TTC27: variants seen among roughly 807,000 people sequenced by gnomAD.
The protein encoded by TTC27 is tetratricopeptide repeat protein 27.
In TTC27, 79 loss-of-function variants were observed where a neutral mutation model predicts 115.9. That is an observed-to-expected ratio of 0.68 (90% confidence interval 0.57 to 0.82). The LOEUF (loss-of-function observed/expected upper bound fraction) is 0.82, where lower values mean the gene tolerates loss of function less well. Ranked by LOEUF, TTC27 falls within the 40% of genes least tolerant of loss-of-function variation. The pLI, the probability that TTC27 is intolerant of heterozygous loss-of-function variation, is 0.00. For synonymous variants in TTC27, 401 were observed against 356.0 expected, an observed-to-expected ratio of 1.13 and a Z score of -1.42; for missense variants, 1,054 against 993.1, an observed-to-expected ratio of 1.06 and a Z score of -0.82.
chr2:32,769,010 A>G lies in TTC27; in HGVS notation c.1681-8872A>G, dbSNP rs147706765. ...AGATTGTTGCTAGTCCATTGGAGAT[A>G]AAAGCCCTAGTGAAGCCCAACAGTG... On this transcript the variant is annotated intron_variant, in intron 13 of 19. Coordinates refer to ENST00000317907, the MANE Select transcript of TTC27 (RefSeq NM_017735.5). 8.6e-3 allele frequency among the ~76,000 whole-genome samples: 1,313 copies of G among 152,338 alleles called. 13 individuals carry two copies. The highest frequency in any genetic ancestry group is 0.013 in the Non-Finnish European group (893 of 68,024).
chr2:32,726,628 C>T (rs1477351209), intron 10 of TTC27, among the ~76,000 whole-genome samples: 2 of 152,240 alleles, frequency 1.3e-5, no homozygotes, highest in South Asian at 4.1e-4. Context: ...CCCACATTTT[C>T]CTGTCTTCTT....
chr2:32,702,025 A>C (rs1667203497), intron 9 of TTC27, among the ~76,000 whole-genome samples: 1 of 150,470 alleles, frequency 6.6e-6, no homozygotes, highest in Non-Finnish European at 1.5e-5. Flanking sequence ...AAAAAAAAAA[A>C]CAAAAACAAA....
chr2:32,695,716 C>A (rs1197075158), intron 9 of TTC27, among the ~76,000 whole-genome samples: 1 of 59,142 alleles, frequency 1.7e-5, no homozygotes, highest in East Asian at 5.8e-4. Context: ...AAGGCTCTAT[C>A]TCAAAAAAAA....
At chr2:32,742,538 A>T (rs1350606108) in intron 12 of TTC27, among the ~76,000 whole-genome samples, 1 of 152,218 alleles carries the variant, frequency 6.6e-6, no homozygotes, top group East Asian at 1.9e-4. Flanking sequence ...AGACACCACT[A>T]CACAGAAGTG....
chr2:32,709,387 T>C (rs1667499367), intron 10 of TTC27, among the ~76,000 whole-genome samples: 1 of 152,206 alleles, frequency 6.6e-6, no homozygotes, highest in African/African-American at 2.4e-5. Flanking sequence ...AGGTTCAGTC[T>C]CCCTTATCTG....
intron 12 of TTC27, among the ~76,000 whole-genome samples, chr2:32,755,328 C>T (rs10168401): frequency 0.35 from 53,968 of 152,070 alleles, 10,352 homozygotes; most frequent in Non-Finnish European, 0.42. Context: ...CTTCTGCAAT[C>T]CCGGCACCTC....
At chr2:32,642,894 G>C (rs561961258) in intron 4 of TTC27, among the ~76,000 whole-genome samples, 1 of 152,122 alleles carries the variant, frequency 6.6e-6, no homozygotes, top group South Asian at 2.1e-4. Context: ...TCTTGAACTT[G>C]TGGGCTCAAG....
chr2:32,786,946 G>A, intron 15 of TTC27, 38 bp from the exon 16 acceptor site: 4 of 1,543,908 alleles, frequency 2.6e-6, no homozygotes, highest in South Asian at 1.2e-5. Context: ...TAAAAAAAGA[G>A]TTCATTATTG....
chr2:32,812,042 C>T (rs1272762461), intron 17 of TTC27, among the ~76,000 whole-genome samples: 1 of 152,154 alleles, frequency 6.6e-6, no homozygotes, highest in Non-Finnish European at 1.5e-5. Context: ...GACTTTCTTG[C>T]ATATATGGAA....
intron 8 of TTC27, among the ~76,000 whole-genome samples, chr2:32,674,524 A>G (rs1216864425): frequency 6.6e-6 from 1 of 152,174 alleles, no homozygotes; most frequent in Non-Finnish European, 1.5e-5. Context: ...TCATATATGC[A>G]ATAGTAAGTT....
intron 9 of TTC27, among the ~76,000 whole-genome samples, chr2:32,680,254 T>C (rs1163837728): frequency 6.6e-6 from 1 of 152,202 alleles, no homozygotes; most frequent in Non-Finnish European, 1.5e-5. Context: ...TGACGAAGTG[T>C]TAACAAATTT....
At chr2:32,634,598 G>A (rs868316306) in intron 3 of TTC27, among the ~76,000 whole-genome samples, 15 of 151,328 alleles carry the variant, frequency 9.9e-5, no homozygotes, top group Admixed American at 5.3e-4. Flanking sequence ...ATCTTTAATG[G>A]CAAAGCAGCA....
intron 10 of TTC27, among the ~76,000 whole-genome samples, chr2:32,730,432 G>T (rs1049960072): frequency 2.0e-5 from 3 of 151,992 alleles, no homozygotes; most frequent in Non-Finnish European, 4.4e-5. Context: ...AAGGACTCAG[G>T]TTTGGTTGAA....
chr2:32,671,116 C>G (rs1340850035), intron 7 of TTC27, among the ~76,000 whole-genome samples: 1 of 152,072 alleles, frequency 6.6e-6, no homozygotes, highest in Non-Finnish European at 1.5e-5. Context: ...AAGTTTTTCT[C>G]TTATAATTCA....
intron 10 of TTC27, among the ~76,000 whole-genome samples, chr2:32,732,851 A>G (rs932863687): frequency 9.2e-5 from 14 of 152,216 alleles, no homozygotes; most frequent in Admixed American, 7.2e-4. Flanking sequence ...GGCCTGTGAA[A>G]ACTAGTCAAC....
chr2:32,702,981 T>C (rs1367662955), intron 10 of TTC27, 61 bp downstream of exon 10: 3 of 1,153,300 alleles, frequency 2.6e-6, no homozygotes, highest in Admixed American at 3.6e-5. Flanking sequence ...TCAGTAAGCA[T>C]ACATGTTTGC....
chr2:32,787,289 C>G (rs941946994), intron 16 of TTC27, 140 bp downstream of exon 16: 34 of 896,982 alleles, frequency 3.8e-5, no homozygotes, highest in Non-Finnish European at 4.9e-5. Context: ...TTTTTCTAGT[C>G]AAATATTCTT....
At chr2:32,681,850 C>G (rs1259239266) in intron 9 of TTC27, among the ~76,000 whole-genome samples, 2 of 151,992 alleles carry the variant, frequency 1.3e-5, no homozygotes, top group Admixed American at 6.6e-5. Flanking sequence ...GCATTTGTAT[C>G]TGAGACAAGA....
At chr2:32,728,037 CTT>C (rs564322443) in intron 10 of TTC27, among the ~76,000 whole-genome samples, 60 of 105,334 alleles carry the variant, frequency 5.7e-4, no homozygotes, top group South Asian at 6.4e-4. Flanking sequence ...AGGACTGCCT[CTT>C]TTTTTTTTTT....
Sources: allele counts gnomAD v4.1 joint callset (sites outside exome capture counted in the v4.1 genomes callset), GRCh38; gene constraint gnomAD v4.1.1; transcripts MANE v1.5; gene names NCBI Gene and HGNC (gene_info 2026-07-23, HGNC 2026-07-21).